Variants in TUSC3 observed in about 807,000 individuals in gnomAD.
TUSC3 encodes dolichyl-diphosphooligosaccharide--protein glycosyltransferase subunit TUSC3.
A neutral mutation model predicts 44.8 loss-of-function variants in TUSC3; 45 were observed. The observed-to-expected ratio is 1.00, with a 90% CI of 0.79 to 1.29. The LOEUF is 1.29. TUSC3 is among the 50% of genes most tolerant of loss of function. The pLI, the probability that TUSC3 is intolerant of heterozygous loss-of-function variation, is 0.00. For synonymous variants in TUSC3, 212 were observed against 152.9 expected (o/e 1.39, Z -2.85); for missense variants, 519 against 437.9 (o/e 1.19, Z -1.65).
At position 15,455,437 on chromosome 8, in the gene TUSC3, ATG is replaced by A. The variant is rs1800242684; in HGVS notation, n.92-27947_92-27946del. Among the ~76,000 whole-genome samples the A allele has an allele frequency of 2.1e-4, 9 of 43,612 alleles. No homozygotes were observed. The Admixed American group carries it at 4.2e-3, about 20-fold the overall frequency. The allele number at this position is 43,612 out of a possible 152,430, so 28.6% of individuals were successfully genotyped here. A position where few individuals can be genotyped will look rare whatever the true frequency, so the allele number is the denominator to read the frequency against. ...CATACACACCTATGTATACACGTAT[ATG>A]TATACACACCTATGTATACACACCT... is the stretch of plus-strand genomic sequence containing the variant. On this transcript the variant is annotated intron_variant and non_coding_transcript_variant, in intron 1 of 5. Coordinates refer to the TUSC3 transcript ENST00000503191.
intron 2 of TUSC3, among the ~76,000 whole-genome samples, chr8:15,637,788 C>T (rs1284184934): frequency 2.0e-5 from 3 of 152,142 alleles, no homozygotes; most frequent in African/African-American, 4.8e-5. Flanking sequence ...TGAAATAGGT[C>T]GAGTTCAGCA....
intron 8 of TUSC3, among the ~76,000 whole-genome samples, chr8:15,744,816 A>G (rs545052545): frequency 1.4e-4 from 22 of 152,082 alleles, no homozygotes; most frequent in African/African-American, 5.1e-4. Flanking sequence ...TTAATAATTT[A>G]TTTTAGATTT....
intron 2 of TUSC3, among the ~76,000 whole-genome samples, chr8:15,647,139 T>C (rs1276986921): frequency 6.6e-6 from 1 of 152,158 alleles, no homozygotes; most frequent in African/African-American, 2.4e-5. Context: ...AATTATTACA[T>C]TTGAGTTCTG....
chr8:15,748,670 C>A (rs1323640556), intron 9 of TUSC3: 2 of 723,490 alleles, frequency 2.8e-6, no homozygotes, highest in Non-Finnish European at 2.6e-6. Context: ...TCCCTGACAG[C>A]ATGTAGTTTC....
At chr8:15,548,708 T>G (rs1801956363) in intron 1 of TUSC3, among the ~76,000 whole-genome samples, 1 of 151,948 alleles carries the variant, frequency 6.6e-6, no homozygotes, top group Admixed American at 6.6e-5. Context: ...AAAATCATTC[T>G]ACTAAGGGAG....
At chr8:15,628,322 C>G (rs756588615) in intron 2 of TUSC3, among the ~76,000 whole-genome samples, 5 of 152,030 alleles carry the variant, frequency 3.3e-5, no homozygotes, top group Non-Finnish European at 7.4e-5. Context: ...TTAAATGGTG[C>G]ATTCTTTGGA....
At chr8:15,572,676 A>G (rs564285811) in intron 1 of TUSC3, among the ~76,000 whole-genome samples, 2 of 152,222 alleles carry the variant, frequency 1.3e-5, no homozygotes, top group Middle Eastern at 3.4e-3. Context: ...TTAAAGTGAG[A>G]GACATGTGAC....
At chr8:15,738,827 C>CTTTTTTTTTTTCTTTCTTTTTTTT (rs1811050249) in intron 7 of TUSC3, among the ~76,000 whole-genome samples, 3 of 87,176 alleles carry the variant, frequency 3.4e-5, no homozygotes, top group African/African-American at 1.5e-4. Context: ...ATATATCTTG[C>CTTTTTTTTTTTCTTTCTTTTTTTT]TTTTTTTTTT....
upstream of TUSC3, among the ~76,000 whole-genome samples, chr8:15,535,582 G>T (rs532384884): frequency 5.4e-4 from 78 of 144,736 alleles, no homozygotes; most frequent in African/African-American, 1.9e-3. Flanking sequence ...TGAACAGGGG[G>T]ATGACTTTGA....
chr8:15,783,910 G>A, the TUSC3 span, among the ~76,000 whole-genome samples: 1 of 152,142 alleles, frequency 6.6e-6, no homozygotes, highest in African/African-American at 2.4e-5. Context: ...GGAATGAAGA[G>A]AACGCACAGA....
At chr8:15,523,190 C>T (rs968825023) in intron 2 of TUSC3, among the ~76,000 whole-genome samples, 2 of 152,076 alleles carry the variant, frequency 1.3e-5, no homozygotes, top group African/African-American at 2.4e-5. Flanking sequence ...GGCATTAATC[C>T]ACTGCACCAG....
chr8:15,701,105 G>C (rs1184248259), intron 6 of TUSC3, among the ~76,000 whole-genome samples: 2 of 151,882 alleles, frequency 1.3e-5, no homozygotes, highest in Non-Finnish European at 2.9e-5. Context: ...AATCTTAAAT[G>C]GACTTTAAAA....
chr8:15,495,943 C>A (rs1281951174), intron 2 of TUSC3, among the ~76,000 whole-genome samples: 11 of 152,084 alleles, frequency 7.2e-5, no homozygotes, highest in Non-Finnish European at 2.9e-5. Context: ...CCTACCTGAC[C>A]CTTCTACCTT....
In TUSC3 at chr8:15,542,332, T is replaced by A. The variant is rs368624240; in HGVS notation, c.138+1764T>A. Among the ~76,000 whole-genome samples, 24 of 152,142 alleles carry A rather than the reference T, an allele frequency of 1.6e-4. No homozygotes were observed. In the East Asian group the frequency reaches 3.7e-3, roughly 23 times the overall value. The stretch of plus-strand genomic sequence containing the variant: ...GTGGCAGACTTCAGAGAGAATAGAT[T>A]GTAAATGTTTCTTATCAGACCTAAG... On this transcript the variant is annotated intron_variant, in intron 1 of 10. Coordinates refer to ENST00000503731, the MANE Select transcript of TUSC3 (RefSeq NM_006765.4).
At chr8:15,541,679 T>C (rs1801696044) in intron 1 of TUSC3, among the ~76,000 whole-genome samples, 1 of 152,160 alleles carries the variant, frequency 6.6e-6, no homozygotes, top group Admixed American at 6.5e-5. Flanking sequence ...AAATTATTGG[T>C]GAAGTTCTGC....
chr8:15,592,270 G>C (rs1479036688), intron 1 of TUSC3, among the ~76,000 whole-genome samples: 1 of 152,022 alleles, frequency 6.6e-6, no homozygotes, highest in Non-Finnish European at 1.5e-5. Flanking sequence ...TAGCTCTCAA[G>C]GCAGACAATT....
chr8:15,649,154 GTC>G (rs949306912), intron 2 of TUSC3, among the ~76,000 whole-genome samples: 2 of 152,112 alleles, frequency 1.3e-5, no homozygotes, highest in African/African-American at 4.8e-5. Context: ...TTCTTTTAGA[GTC>G]TGTTTGTTTT....
chr8:15,438,151 A>G (rs948846050), intron 1 of TUSC3, among the ~76,000 whole-genome samples: 2 of 151,958 alleles, frequency 1.3e-5, no homozygotes, highest in African/African-American at 4.8e-5. Context: ...CTGGAGTGCA[A>G]TGGCACAGTC....
In TUSC3 at chr8:15,623,224, C is replaced by A; in HGVS notation, c.283C>A (p.Pro95Thr). The change falls in exon 2 of 11, where the codon CCT becomes ACT. Residue 95 changes from proline to threonine, a missense_variant. Transcript: ENST00000503731. ...SMIVMFTALQ[P>T]QRQCSVCRQA... ...GATTGTTATGTTCACTGCTCTTCAGCCTCAGCGGCAGTGTTCTGTGTGCAG... is the reference window on the plus strand; with the variant it reads ...GATTGTTATGTTCACTGCTCTTCAGACTCAGCGGCAGTGTTCTGTGTGCAG... The A allele has an allele frequency of 1.2e-6, 2 of 1,610,122 alleles. No homozygotes were observed. The highest frequency in any genetic ancestry group is 2.2e-5 in the South Asian group (2 of 89,864).
Sources: gnomAD v4.1 joint callset for allele counts (sites outside exome capture counted in the v4.1 genomes callset) on GRCh38, gnomAD v4.1.1 for gene constraint, MANE v1.5 for transcripts, NCBI Gene and HGNC (gene_info 2026-07-23, HGNC 2026-07-21) for gene names.